Variants in PGCKA1 observed in about 807,000 individuals in gnomAD.
The protein encoded by PGCKA1 is PDCD10 and GCKIII kinases associated 1.
chr4:37,487,289 C>T, the PGCKA1 span, among the ~76,000 whole-genome samples: 8 of 152,300 alleles, frequency 5.3e-5, no homozygotes, highest in Non-Finnish European at 1.0e-4. Flanking sequence ...ATGAACTACA[C>T]TCACCACCTG....
chr4:37,544,073 T>C, the PGCKA1 span, among the ~76,000 whole-genome samples: 1 of 152,216 alleles, frequency 6.6e-6, no homozygotes, highest in African/African-American at 2.4e-5. Context: ...TGAGAAAAGA[T>C]ATATGGATGA....
the PGCKA1 span, among the ~76,000 whole-genome samples, chr4:37,495,905 G>A: frequency 6.6e-6 from 1 of 152,048 alleles, no homozygotes; most frequent in Non-Finnish European, 1.5e-5. Flanking sequence ...CTTTTTAATG[G>A]GGTTGTTTAT....
At chr4:37,462,628 C>A in the PGCKA1 span, among the ~76,000 whole-genome samples, 2 of 152,186 alleles carry the variant, frequency 1.3e-5, no homozygotes, top group Non-Finnish European at 2.9e-5. Flanking sequence ...TGGCAACAAA[C>A]CACACTTCAA....
At chr4:37,590,789 A>C in the PGCKA1 span, 1 of 1,614,080 alleles carries the variant, frequency 6.2e-7, no homozygotes, top group Non-Finnish European at 8.5e-7. Flanking sequence ...TTGAATGAGG[A>C]TGTGGAAACA....
the PGCKA1 span, among the ~76,000 whole-genome samples, chr4:37,468,126 CA>C: frequency 3.9e-5 from 6 of 152,172 alleles, no homozygotes; most frequent in Non-Finnish European, 7.3e-5. Context: ...CATGGCCGTT[CA>C]ACTTTAATCT....
chr4:37,453,977 A>C, the PGCKA1 span: 1 of 157,264 alleles, frequency 6.4e-6, no homozygotes, highest in Admixed American at 6.6e-5. Context: ...CGGCTGCCCG[A>C]GGCCGGCGAA....
the PGCKA1 span, among the ~76,000 whole-genome samples, chr4:37,485,983 C>A: frequency 1.3e-5 from 2 of 152,198 alleles, no homozygotes; most frequent in Admixed American, 1.3e-4. Context: ...TATCATGAAT[C>A]AGGTTTGAAT....
At chr4:37,549,885 C>T in the PGCKA1 span, among the ~76,000 whole-genome samples, 1 of 152,132 alleles carries the variant, frequency 6.6e-6, no homozygotes, top group Admixed American at 6.5e-5. Context: ...CTGACTGGTC[C>T]ACACAGGCCG....
chr4:37,470,441 T>A, the PGCKA1 span, among the ~76,000 whole-genome samples: 1 of 39,780 alleles, frequency 2.5e-5, no homozygotes, highest in African/African-American at 7.9e-5. Context: ...GGGTGGGACA[T>A]GGAAAATATT....
the PGCKA1 span, among the ~76,000 whole-genome samples, chr4:37,580,005 G>A: frequency 1.3e-5 from 2 of 152,000 alleles, no homozygotes; most frequent in African/African-American, 4.8e-5. Context: ...TTTTTAAATA[G>A]CATGTCTTCA....
the PGCKA1 span, among the ~76,000 whole-genome samples, chr4:37,522,906 G>A: frequency 6.6e-6 from 1 of 151,964 alleles, no homozygotes; most frequent in Admixed American, 6.6e-5. Context: ...CAAGCAGAAG[G>A]AAAGGGTCTG....
chr4:37,556,632 T>G, the PGCKA1 span, among the ~76,000 whole-genome samples: 2 of 152,142 alleles, frequency 1.3e-5, no homozygotes, highest in African/African-American at 4.8e-5. Context: ...ACTGTCAGCT[T>G]CTGGAAGCCT....
At chr4:37,453,433 G>T in the PGCKA1 span, among the ~76,000 whole-genome samples, 1 of 152,112 alleles carries the variant, frequency 6.6e-6, no homozygotes, top group Non-Finnish European at 1.5e-5. Flanking sequence ...CGCCCCCGCT[G>T]TTTCTAGGTC....
chr4:37,476,956 T>TA, the PGCKA1 span, among the ~76,000 whole-genome samples: 1 of 152,138 alleles, frequency 6.6e-6, no homozygotes, highest in Non-Finnish European at 1.5e-5. Context: ...GGTGGGAATG[T>TA]AATATGGTGC....
At chr4:37,481,464 CAAAAAAAAAAAAAAAAAAA>C in the PGCKA1 span, among the ~76,000 whole-genome samples, 60 of 61,444 alleles carry the variant, frequency 9.8e-4, no homozygotes, top group East Asian at 3.7e-3. Context: ...GACCTGTCTC[CAAAAAAAAAAAAAAAAAAA>C]AAAAAAAAAA....
At chr4:37,561,486 T>G in the PGCKA1 span, among the ~76,000 whole-genome samples, 1 of 152,162 alleles carries the variant, frequency 6.6e-6, no homozygotes, top group Non-Finnish European at 1.5e-5. Context: ...AAATAGTCTA[T>G]GACAAGGTCC....
chr4:37,500,248 A>G, the PGCKA1 span, among the ~76,000 whole-genome samples: 2 of 152,014 alleles, frequency 1.3e-5, no homozygotes, highest in African/African-American at 4.8e-5. Flanking sequence ...TTTTGATGTA[A>G]GTGTTTAGTG....
At chr4:37,503,545 C>T in the PGCKA1 span, among the ~76,000 whole-genome samples, 5 of 152,160 alleles carry the variant, frequency 3.3e-5, no homozygotes. Context: ...CCAAACTGTT[C>T]CTTATAGTGG....
At chr4:37,571,418 AGT>A in the PGCKA1 span, among the ~76,000 whole-genome samples, 3 of 126,164 alleles carry the variant, frequency 2.4e-5, no homozygotes, top group African/African-American at 9.2e-5. Flanking sequence ...GCTGGAGTGC[AGT>A]GGCACGATCT....
Sources: gnomAD v4.1 joint callset for allele counts (sites outside exome capture counted in the v4.1 genomes callset) on GRCh38, gnomAD v4.1.1 for gene constraint, MANE v1.5 for transcripts, NCBI Gene and HGNC (gene_info 2026-07-23, HGNC 2026-07-21) for gene names.